Variants in SPTA1 observed in about 807,000 individuals in gnomAD.
SPTA1 encodes the protein spectrin alpha, erythrocytic 1.
In SPTA1, 177 loss-of-function variants were observed where a neutral mutation model predicts 324.7. The ratio of observed to expected loss-of-function variants is 0.55; its 90% CI spans 0.48 to 0.62. The LOEUF is 0.62. Ranked by LOEUF, SPTA1 falls within the 20% of genes least tolerant of loss-of-function variation. The pLI, the probability that SPTA1 is intolerant of heterozygous loss-of-function variation, is 0.00. For synonymous variants in SPTA1, 1,195 were observed against 1,041.3 expected (o/e 1.15, Z -2.84); for missense variants, 3,162 against 2,883.6 (o/e 1.10, Z -2.21).
intron 1 of SPTA1, among the ~76,000 whole-genome samples, 172 bp from the exon 2 acceptor site, chr1:158,685,519 A>G (rs1308658854): frequency 6.6e-6 from 1 of 152,146 alleles, no homozygotes. Flanking sequence ...TTAACCAGAC[A>G]TAGCTTCTGT....
In SPTA1 at chr1:158,668,010, T is replaced by A. The variant is rs753336991; in HGVS notation, c.1886A>T (p.Glu629Val). ...CAGCTGGGTCTTATTAACTGCCAAC[T>A]CCTTTTCAAAGACTTGCTGCTTTTG... Reference protein sequence around the residue: ...RVQKQQVFEKELAVNKTQLEN... With the variant: ...RVQKQQVFEKVLAVNKTQLEN... The change falls in exon 15 of 52, where the codon GAG becomes GTG. Residue 629 changes from glutamate (E) to valine (V), a missense_variant. Coordinates refer to ENST00000643759, the MANE Select transcript of SPTA1 (RefSeq NM_003126.4). The A allele has an allele frequency of 6.2e-7, 1 of 1,612,434 alleles. No homozygotes were observed. Among genetic ancestry groups the A allele is most frequent in the East Asian group, 2.2e-5 (1 of 44,812 alleles).
chr1:158,671,619 T>G (rs904391165), intron 11 of SPTA1, among the ~76,000 whole-genome samples, 166 bp from the exon 12 acceptor site: 43 of 152,168 alleles, frequency 2.8e-4, no homozygotes, highest in African/African-American at 9.4e-4. Context: ...GTTTCAGGCC[T>G]CCTTCCTGAT....
At chr1:158,686,165 A>C (rs775136186) in intron 1 of SPTA1, among the ~76,000 whole-genome samples, 1 of 152,188 alleles carries the variant, frequency 6.6e-6, no homozygotes, top group Non-Finnish European at 1.5e-5. Context: ...TCCTAAGTAT[A>C]ATTGCTACTC....
intron 48 of SPTA1, 122 bp downstream of exon 48, chr1:158,615,094 C>A: frequency 9.2e-7 from 1 of 1,091,308 alleles, no homozygotes; most frequent in South Asian, 1.4e-5. Context: ...AGTAAAGACC[C>A]AGAATATTGG....
At chr1:158,684,816 T>C (rs1460666755) in intron 2 of SPTA1, among the ~76,000 whole-genome samples, 1 of 152,172 alleles carries the variant, frequency 6.6e-6, no homozygotes, top group Admixed American at 6.6e-5. Context: ...ATATTCTGAA[T>C]GGAAGTTCAT....
chr1:158,656,487 A>C (rs1652833608), intron 20 of SPTA1, 77 bp downstream of exon 20: 1 of 1,384,206 alleles, frequency 7.2e-7, no homozygotes, highest in African/African-American at 1.4e-5. Context: ...GTAGAAAGTA[A>C]AAAATCAGCA....
chr1:158,645,148 G>A lies in SPTA1; in HGVS notation c.4194+40C>T. ...CATATGAAATTGCATAGGAGAAACA[G>A]ACTACTGAACCTGCTTAACAATTGG... On this transcript the variant is annotated intron_variant, in intron 29 of 51. Transcript: ENST00000643759. The A allele has an allele frequency of 6.8e-6, 11 of 1,607,920 alleles. No homozygotes were observed. In the South Asian group the frequency reaches 1.2e-4, roughly 18 times the overall value.
At chr1:158,612,648 G>T in intron 51 of SPTA1, 169 bp downstream of exon 51, 2 of 706,998 alleles carry the variant, frequency 2.8e-6, no homozygotes, top group Non-Finnish European at 4.9e-6. Context: ...TTTTGAGTTG[G>T]GTCAAGACAA....
chr1:158,679,027 A>C (rs1010633377), intron 5 of SPTA1, among the ~76,000 whole-genome samples: 6 of 152,076 alleles, frequency 3.9e-5, no homozygotes, highest in Non-Finnish European at 8.8e-5. Context: ...TTTTGCATAA[A>C]ATTTCAGGCA....
intron 7 of SPTA1, among the ~76,000 whole-genome samples, chr1:158,677,105 C>A (rs749113753): frequency 6.6e-6 from 1 of 152,044 alleles, no homozygotes; most frequent in East Asian, 1.9e-4. Flanking sequence ...AATTGGTTTA[C>A]GTTCTGGCTA....
chr1:158,643,252 C>T, intron 31 of SPTA1, 70 bp downstream of exon 31: 1 of 1,553,892 alleles, frequency 6.4e-7, no homozygotes, highest in Non-Finnish European at 8.9e-7. Context: ...ATTCCCCCAT[C>T]TCAATGCTAG....
chr1:158,671,499 G>A (rs1654024296), intron 11 of SPTA1, 46 bp from the exon 12 acceptor site: 1 of 1,473,042 alleles, frequency 6.8e-7, no homozygotes, highest in Non-Finnish European at 9.5e-7. Flanking sequence ...TGACCGGTAA[G>A]AAACATTCCT....
chr1:158,626,556 TCACA>T (rs1650285259), intron 41 of SPTA1, among the ~76,000 whole-genome samples: 1 of 152,222 alleles, frequency 6.6e-6, no homozygotes, highest in Admixed American at 6.5e-5. Context: ...TTTCTCAATG[TCACA>T]CACAAAATCT....
intron 6 of SPTA1, 134 bp downstream of exon 6, chr1:158,678,267 G>A (rs1654537862): frequency 1.6e-6 from 2 of 1,230,112 alleles, no homozygotes; most frequent in Non-Finnish European, 2.4e-6. Flanking sequence ...CTGTCCCAAA[G>A]GCAAGTACAT....
At chr1:158,629,813 T>G (rs1209669304) in intron 39 of SPTA1, among the ~76,000 whole-genome samples, 2 of 151,870 alleles carry the variant, frequency 1.3e-5, no homozygotes, top group African/African-American at 4.8e-5. Flanking sequence ...AGTTACAGAA[T>G]AAAACTCAAA....
At position 158,644,304 on chromosome 1, in the gene SPTA1, C is replaced by T; in HGVS notation, c.4287G>A (p.Leu1429=). 2.5e-6 allele frequency: 4 copies of T among 1,613,928 alleles called. No homozygotes were observed. Among genetic ancestry groups the T allele is most frequent in the African/African-American group, 1.3e-5 (1 of 75,016 alleles). The part of the protein sequence containing the change: ...RSDDKSSLDS[L]EALMKKRDDL... ...CGTCCCGTTTCTTCATCAAAGCCTCCAGACTGTCTAAGGAACTTTTGTCAT... is the reference window on the plus strand; with the variant it reads ...CGTCCCGTTTCTTCATCAAAGCCTCTAGACTGTCTAAGGAACTTTTGTCAT... The change falls in exon 30 of 52, where the codon CTG becomes CTA. Residue 1429 remains leucine, a synonymous_variant. Transcript: ENST00000643759.
chr1:158,639,694 T>C lies in SPTA1; in HGVS notation c.4876-8A>G, dbSNP rs537704775. 3 of 1,613,726 alleles carry C rather than the reference T, an allele frequency of 1.9e-6. No homozygotes were observed. Among genetic ancestry groups the C allele is most frequent in the South Asian group, 2.2e-5 (2 of 91,076 alleles). On this transcript the variant is annotated splice_region_variant and splice_polypyrimidine_tract_variant and intron_variant, in intron 34 of 51. Coordinates refer to ENST00000643759, the MANE Select transcript of SPTA1 (RefSeq NM_003126.4). ...GGCCAGCAATGTCTCTGCCTGGAAA[T>C]AGAGAAATAAGCAATAAAGCTGCCA...
Position 158,636,066 on chromosome 1 carries a change from C to T in SPTA1, c.5311-32G>A, listed in dbSNP as rs113296110. On this transcript the variant is annotated intron_variant, in intron 37 of 51. Transcript: ENST00000643759. ...AACAACCCCGATACATGTTCCATTA[C>T]CCCACAATCTCTCCCCATTTAGCCA... is the stretch of plus-strand genomic sequence containing the variant. 400 of 1,614,050 alleles carry T rather than the reference C, an allele frequency of 2.5e-4. 1 individual carries two copies. The African/African-American group carries it at 4.8e-3, about 19-fold the overall frequency.
rs897553596 is a variant in SPTA1 at position 158,636,562 on chromosome 1, C to A, written c.5310+79G>T. The A allele has an allele frequency of 3.9e-6, 6 of 1,528,434 alleles. No individual in the cohort carries two copies. In the South Asian group the frequency reaches 5.6e-5, roughly 14 times the overall value. 94.7% of individuals were successfully genotyped at this position (1,528,434 alleles called of 1,614,324 possible). A position where few individuals can be genotyped will look rare whatever the true frequency, so the allele number is the denominator to read the frequency against. On this transcript the variant is annotated intron_variant, in intron 37 of 51. Coordinates refer to ENST00000643759, the MANE Select transcript of SPTA1 (RefSeq NM_003126.4). The stretch of plus-strand genomic sequence containing the variant: ...GACATCCTATTTTCACGTTTTGTAG[C>A]ACCCTCTTATTTATCTGTAACACAA...
Sources: gnomAD v4.1 joint callset for allele counts (sites outside exome capture counted in the v4.1 genomes callset) on GRCh38, gnomAD v4.1.1 for gene constraint, MANE v1.5 for transcripts, NCBI Gene and HGNC (gene_info 2026-07-23, HGNC 2026-07-21) for gene names.